STPG4: variants seen among roughly 807,000 people sequenced by gnomAD.
STPG4 encodes the protein sperm-tail PG-rich repeat containing 4.
In STPG4, 41 loss-of-function variants were observed where a neutral mutation model predicts 31.5. The observed-to-expected ratio is 1.30, with a 90% CI of 1.01 to 1.69. The LOEUF is 1.69. STPG4 is among the 40% of genes most tolerant of loss of function. STPG4 has a pLI of 0.00. For synonymous variants in STPG4, 141 were observed against 103.0 expected (o/e 1.37, Z -2.24); for missense variants, 375 against 293.4 (o/e 1.28, Z -2.03).
chr2:47,115,060 G>A (rs1686118578), intron 5 of STPG4, among the ~76,000 whole-genome samples: 1 of 152,150 alleles, frequency 6.6e-6, no homozygotes, highest in Non-Finnish European at 1.5e-5. Flanking sequence ...AAGCCACCAT[G>A]CCTGGCCTAT....
chr2:47,151,613 TG>T (rs1686939014), intron 2 of STPG4, 98 bp from the exon 3 acceptor site: 1 of 956,580 alleles, frequency 1.0e-6, no homozygotes, highest in South Asian at 1.6e-5. Context: ...CATCTCTCTT[TG>T]TTTTCAAGTT....
chr2:47,154,329 C>G (rs538769867), intron 1 of STPG4, among the ~76,000 whole-genome samples: 1 of 152,180 alleles, frequency 6.6e-6, no homozygotes, highest in African/African-American at 2.4e-5. Context: ...CTTTTATAGT[C>G]ACAGAAATAC....
At chr2:47,100,711 G>A (rs1685778896) in intron 5 of STPG4, among the ~76,000 whole-genome samples, 1 of 151,474 alleles carries the variant, frequency 6.6e-6, no homozygotes, top group Non-Finnish European at 1.5e-5. Context: ...CACTCCTGAG[G>A]CCAGCGAGAC....
At position 47,129,940 on chromosome 2, in the gene STPG4, C is replaced by A. The variant is rs1232544211; in HGVS notation, c.519+1G>T. 1 of 1,611,242 alleles carries A rather than the reference C, an allele frequency of 6.2e-7. No individual in the cohort carries two copies. Among genetic ancestry groups the A allele is most frequent in the African/African-American group, 1.3e-5 (1 of 74,740 alleles). On this transcript the variant is annotated splice_donor_variant, in intron 5 of 6. Coordinates refer to ENST00000445927, the MANE Select transcript of STPG4 (RefSeq NM_001163561.2). LOFTEE classifies it high-confidence loss of function. Reference sequence around the variant, plus strand: ...GAGTTAACTGTCTACATTATACTTACGGGAATAAAATAGGTTGTTGGGAAT... The same window carrying A: ...GAGTTAACTGTCTACATTATACTTAAGGGAATAAAATAGGTTGTTGGGAAT...
intron 5 of STPG4, among the ~76,000 whole-genome samples, chr2:47,117,814 A>G (rs1460390534): frequency 1.3e-5 from 2 of 151,824 alleles, no homozygotes; most frequent in East Asian, 1.9e-4. Flanking sequence ...AAGAACTTGC[A>G]TATGAACTCA....
chr2:47,153,629 C>A (rs1686977028), intron 1 of STPG4, among the ~76,000 whole-genome samples: 2 of 152,118 alleles, frequency 1.3e-5, no homozygotes, highest in African/African-American at 4.8e-5. Flanking sequence ...GTGGCACATG[C>A]CTGTAATCCC....
intron 3 of STPG4, among the ~76,000 whole-genome samples, chr2:47,142,819 A>G (rs912304086): frequency 6.7e-6 from 1 of 149,184 alleles, no homozygotes; most frequent in Non-Finnish European, 1.5e-5. Context: ...ATATCAACAC[A>G]TATAGATTTA....
At chr2:47,129,521 C>G (rs1686430136) in intron 5 of STPG4, 2 of 172,496 alleles carry the variant, frequency 1.2e-5, no homozygotes, top group South Asian at 2.8e-4. Context: ...TCCATGGGCA[C>G]TAGCTGAATT....
At chr2:47,108,894 G>C (rs1164989071) in intron 5 of STPG4, 3 of 152,378 alleles carry the variant, frequency 2.0e-5, no homozygotes, top group East Asian at 3.9e-4. Context: ...AAATGGGCAG[G>C]GTGCGGCCCT....
chr2:47,107,659 G>A, intron 5 of STPG4, among the ~76,000 whole-genome samples: 1 of 152,202 alleles, frequency 6.6e-6, no homozygotes, highest in Non-Finnish European at 1.5e-5. Flanking sequence ...GGGCTGAGGA[G>A]TGCGGGCACA....
chr2:47,107,984 G>C (rs1685955434), intron 5 of STPG4, among the ~76,000 whole-genome samples: 2 of 151,580 alleles, frequency 1.3e-5, no homozygotes, highest in South Asian at 4.2e-4. Context: ...TCTAGCTCAA[G>C]GTTTGTAAAT....
At chr2:47,115,984 C>T (rs964305435) in intron 5 of STPG4, among the ~76,000 whole-genome samples, 2 of 152,150 alleles carry the variant, frequency 1.3e-5, no homozygotes, top group East Asian at 1.9e-4. Flanking sequence ...ATGGTAGAAA[C>T]TGTGGGTATG....
chr2:47,103,605 A>T (rs1050569786), intron 5 of STPG4, among the ~76,000 whole-genome samples: 14 of 151,948 alleles, frequency 9.2e-5, no homozygotes, highest in Non-Finnish European at 1.9e-4. Flanking sequence ...AGGGCTTGTT[A>T]TCAGTGTGGT....
At chr2:47,104,909 T>C (rs1180814872) in intron 5 of STPG4, among the ~76,000 whole-genome samples, 1 of 151,986 alleles carries the variant, frequency 6.6e-6, no homozygotes, top group Admixed American at 6.5e-5. Context: ...ATACAGCCTA[T>C]ACTGGCTTAT....
Position 47,152,451 on chromosome 2 carries a change from G to T in STPG4, c.141+506C>A, listed in dbSNP as rs535998175. 1.1e-4 allele frequency among the ~76,000 whole-genome samples: 17 copies of T among 152,266 alleles called. No individual in the cohort carries two copies. In the South Asian group the frequency reaches 3.5e-3, roughly 32 times the overall value. ...CAATTCCAAGAAGGCTTTGACCCAT[G>T]AAGTCCCTCTATTATTGAAGGGCAT... On this transcript the variant is annotated intron_variant, in intron 2 of 6. Coordinates refer to ENST00000445927, the MANE Select transcript of STPG4 (RefSeq NM_001163561.2).
chr2:47,095,651 G>A (rs1685656245), intron 5 of STPG4, among the ~76,000 whole-genome samples: 1 of 152,156 alleles, frequency 6.6e-6, no homozygotes, highest in East Asian at 1.9e-4. Flanking sequence ...TCCAGGCCAT[G>A]GGCTGGAAGC....
Position 47,132,307 on chromosome 2 carries a change from T to C in STPG4, c.400-2047A>G, listed in dbSNP as rs576943156. Reference sequence around the variant, plus strand: ...AGTTATATTATAAAATCCTAGGACCTGAAGTGAATAATCCCCTCCACTCCC... The same window carrying C: ...AGTTATATTATAAAATCCTAGGACCCGAAGTGAATAATCCCCTCCACTCCC... On this transcript the variant is annotated intron_variant, in intron 3 of 6. Transcript: ENST00000445927. Among the ~76,000 whole-genome samples the C allele has an allele frequency of 3.3e-5, 5 of 152,236 alleles. No individual in the cohort carries two copies. In the East Asian group the frequency reaches 9.7e-4, roughly 29 times the overall value.
At chr2:47,114,752 T>C (rs996503336) in intron 5 of STPG4, among the ~76,000 whole-genome samples, 1 of 151,884 alleles carries the variant, frequency 6.6e-6, no homozygotes, top group African/African-American at 2.4e-5. Context: ...TAAACGATCA[T>C]CCAACAATAC....
At chr2:47,151,923 T>TG (rs34790632) in intron 2 of STPG4, among the ~76,000 whole-genome samples, 96,493 of 134,322 alleles carry the variant, frequency 0.72, 34,237 homozygotes, top group East Asian at 0.9. Flanking sequence ...TGTTTTGTTT[T>TG]TTTTTTTTTT....
Sources: allele counts gnomAD v4.1 joint callset (sites outside exome capture counted in the v4.1 genomes callset), GRCh38; gene constraint gnomAD v4.1.1; transcripts MANE v1.5; gene names NCBI Gene and HGNC (gene_info 2026-07-23, HGNC 2026-07-21).